Variants in PTCD2 observed in about 807,000 individuals in gnomAD.
The protein encoded by PTCD2 is pentatricopeptide repeat-containing protein 2, mitochondrial.
A neutral mutation model predicts 42.6 loss-of-function variants in PTCD2; 31 were observed. The ratio of observed to expected loss-of-function variants is 0.73; its 90% CI spans 0.55 to 0.98. The LOEUF (loss-of-function observed/expected upper bound fraction) is 0.98. Ranked by LOEUF, PTCD2 falls within the 50% of genes least tolerant of loss-of-function variation. The pLI, the probability that PTCD2 is intolerant of heterozygous loss-of-function variation, is 0.00. For missense variants in PTCD2, 476 were observed against 454.8 expected (o/e 1.05, Z -0.42); for synonymous variants, 183 against 170.9 (o/e 1.07, Z -0.55).
At chr5:72,344,222 T>G (rs891191252) in intron 8 of PTCD2, among the ~76,000 whole-genome samples, 1 of 152,070 alleles carries the variant, frequency 6.6e-6, no homozygotes, top group African/African-American at 2.4e-5. Context: ...TTTAAAAGAA[T>G]ATGAACTGTG....
chr5:72,331,193 T>C, intron 3 of PTCD2, 65 bp from the exon 4 acceptor site: 3 of 1,014,998 alleles, frequency 3.0e-6, no homozygotes, highest in Non-Finnish European at 4.7e-6. Context: ...GTACCTGCCA[T>C]AGTCTGTGTC....
chr5:72,339,336 G>A (rs1285018834), intron 7 of PTCD2, among the ~76,000 whole-genome samples: 4 of 152,182 alleles, frequency 2.6e-5, no homozygotes, highest in East Asian at 3.9e-4. Flanking sequence ...CTATTCCAGA[G>A]CCTAAAAAAT....
rs977198223 is a variant in PTCD2, at chr5:72,363,245, C to T, written c.*4818C>T. 1 of 152,200 alleles carries T rather than the reference C, an allele frequency of 6.6e-6. No individual in the cohort carries two copies. Among genetic ancestry groups the T allele is most frequent in the Non-Finnish European group, 1.5e-5 (1 of 68,036 alleles). The allele number at this position is 152,200 out of a possible 1,614,324, so 9.4% of individuals were successfully genotyped here. The stretch of plus-strand genomic sequence containing the variant: ...ATAGCCAAGATGACAGCTGAACAGG[C>T]TCTCATCTTAAACCTGAACAGGCAT... On this transcript the variant is annotated 3_prime_UTR_variant, in exon 10 of 10. Coordinates refer to ENST00000380639, the MANE Select transcript of PTCD2 (RefSeq NM_024754.5).
At chr5:72,350,508 T>A (rs538983160) in intron 8 of PTCD2, among the ~76,000 whole-genome samples, 1 of 152,226 alleles carries the variant, frequency 6.6e-6, no homozygotes, top group Admixed American at 6.5e-5. Flanking sequence ...CTGTGTTTGT[T>A]GTCCACAAAC....
At chr5:72,342,405 G>A (rs189720446) in intron 7 of PTCD2, among the ~76,000 whole-genome samples, 123 of 152,312 alleles carry the variant, frequency 8.1e-4, no homozygotes, top group African/African-American at 2.8e-3. Flanking sequence ...CAGGATCCAC[G>A]GAAGTTCTCT....
intron 2 of PTCD2, among the ~76,000 whole-genome samples, chr5:72,322,614 T>C (rs1750920283): frequency 6.6e-6 from 1 of 152,204 alleles, no homozygotes; most frequent in Non-Finnish European, 1.5e-5. Context: ...AGGCCCCAGA[T>C]CATTCATATG....
At chr5:72,346,742 G>T (rs1335880131) in intron 8 of PTCD2, among the ~76,000 whole-genome samples, 1 of 152,162 alleles carries the variant, frequency 6.6e-6, no homozygotes. Context: ...GTATATAATT[G>T]CTTCTGAGAG....
At chr5:72,338,118 G>C (rs778117925) in intron 6 of PTCD2, among the ~76,000 whole-genome samples, 3 of 151,978 alleles carry the variant, frequency 2.0e-5, no homozygotes, top group Non-Finnish European at 4.4e-5. Context: ...TGACATTCTT[G>C]GATTTTTTTT....
At chr5:72,327,472 A>AT (rs11416975) in intron 3 of PTCD2, among the ~76,000 whole-genome samples, 58,451 of 136,054 alleles carry the variant, frequency 0.43, 14,326 homozygotes, top group African/African-American at 0.69. Flanking sequence ...TTTTTAAACT[A>AT]TTTTTTTTTT....
intron 2 of PTCD2, 97 bp downstream of exon 2, chr5:72,322,361 G>A (rs1367566985): frequency 2.6e-6 from 2 of 761,144 alleles, no homozygotes; most frequent in Non-Finnish European, 4.5e-6. Context: ...ACTTTATTAT[G>A]CCTTAGAAAA....
At chr5:72,331,581 G>T (rs921781581) in intron 4 of PTCD2, among the ~76,000 whole-genome samples, 10 of 152,228 alleles carry the variant, frequency 6.6e-5, no homozygotes, top group African/African-American at 1.9e-4. Context: ...GTGTGGAGGA[G>T]GTATAGGTAC....
chr5:72,326,717 A>G lies in PTCD2; in HGVS notation c.326A>G (p.Glu109Gly). 1.2e-6 allele frequency: 2 copies of G among 1,614,152 alleles called. No homozygotes were observed. The highest frequency in any genetic ancestry group is 1.7e-6 in the Non-Finnish European group (2 of 1,179,984). Residue 109 changes from glutamate to glycine, a missense_variant, in exon 3 of 10, where the codon GAA becomes GGA. By Grantham distance (98) the Glu-to-Gly change is moderately conservative. Coordinates refer to ENST00000380639, the MANE Select transcript of PTCD2 (RefSeq NM_024754.5). ...LHLCESRDHVELAKNVIYRYH... is the reference protein window; with the variant it reads ...LHLCESRDHVGLAKNVIYRYH... Reference sequence around the variant, plus strand: ...TTGTGTGAGTCTCGGGACCATGTGGAACTGGCTAAAAATGTCATTTACAGG... The same window carrying G: ...TTGTGTGAGTCTCGGGACCATGTGGGACTGGCTAAAAATGTCATTTACAGG...
At chr5:72,350,620 G>A (rs1752577129) in intron 8 of PTCD2, among the ~76,000 whole-genome samples, 1 of 152,222 alleles carries the variant, frequency 6.6e-6, no homozygotes, top group Non-Finnish European at 1.5e-5. Flanking sequence ...CAAAAAGGGT[G>A]TGCTCGTGAT....
At chr5:72,335,455 CAAAAA>C (rs11397039) in intron 5 of PTCD2, 30 of 122,438 alleles carry the variant, frequency 2.5e-4, no homozygotes, top group South Asian at 5.1e-4. Flanking sequence ...GACTCCGTCT[CAAAAA>C]AAAAAAAAAA....
At chr5:72,333,889 C>T (rs967311143) in intron 4 of PTCD2, among the ~76,000 whole-genome samples, 5 of 152,012 alleles carry the variant, frequency 3.3e-5, no homozygotes, top group Admixed American at 6.6e-5. Context: ...GGTCTTGCTC[C>T]GTCACCTAAG....
At chr5:72,344,472 C>T (rs1476935397) in intron 8 of PTCD2, among the ~76,000 whole-genome samples, 1 of 152,070 alleles carries the variant, frequency 6.6e-6, no homozygotes, top group African/African-American at 2.4e-5. Context: ...AAAATTGCGC[C>T]ACTACACTCC....
In PTCD2 at chr5:72,331,368, A is replaced by C; in HGVS notation, c.461A>C (p.Lys154Thr). The change falls in exon 4 of 10, where the codon AAA becomes ACA. Residue 154 changes from lysine (K) to threonine (T), a missense_variant. By Grantham distance (78) the Lys-to-Thr change is moderately conservative. Transcript: ENST00000380639. Reference protein sequence around the residue: ...DLEESAVELMKDQHLRGFFSD... With the variant: ...DLEESAVELMTDQHLRGFFSD... ...GAGGAATCTGCAGTGGAGCTCATGAAAGACCAGGTTATTGTTTCCTAATTG... is the reference window on the plus strand; with the variant it reads ...GAGGAATCTGCAGTGGAGCTCATGACAGACCAGGTTATTGTTTCCTAATTG... 6 of 1,603,780 alleles carry C rather than the reference A, an allele frequency of 3.7e-6. No homozygotes were observed. The highest frequency in any genetic ancestry group is 4.3e-6 in the Non-Finnish European group (5 of 1,170,534).
In PTCD2 at chr5:72,361,943, A is replaced by G. The variant is rs553618936; in HGVS notation, c.*3516A>G. ...ATGTACCTCATTTATCAAAGTGCTT[A>G]TCATATGCCTGTCACTGTCTGTTTT... On this transcript the variant is annotated 3_prime_UTR_variant, in exon 10 of 10. Transcript: ENST00000380639. The G allele has an allele frequency of 3.3e-5, 5 of 152,376 alleles. No individual in the cohort carries two copies. The highest frequency in any genetic ancestry group is 3.3e-4 in the Admixed American group (5 of 15,306). The allele number at this position is 152,376 out of a possible 1,614,324, so 9.4% of individuals were successfully genotyped here.
rs1399868283 is a variant in PTCD2, at chr5:72,364,178, G to T, written c.*5751G>T. 2.0e-5 allele frequency: 3 copies of T among 152,236 alleles called. No individual in the cohort carries two copies. The highest frequency in any genetic ancestry group is 4.4e-5 in the Non-Finnish European group (3 of 68,042). 9.4% of individuals were successfully genotyped at this position (152,236 alleles called of 1,614,324 possible). On this transcript the variant is annotated 3_prime_UTR_variant, in exon 10 of 10. Transcript: ENST00000380639. ...AAAAAAGTGTTCTCAAAAATTAATG[G>T]AAATTGGTGTATTCTGATTGAGATA... is the stretch of plus-strand genomic sequence containing the variant.
Sources: allele counts gnomAD v4.1 joint callset (sites outside exome capture counted in the v4.1 genomes callset), GRCh38; gene constraint gnomAD v4.1.1; transcripts MANE v1.5; gene names NCBI Gene and HGNC (gene_info 2026-07-23, HGNC 2026-07-21).